Variants in ZNF385C observed in about 807,000 individuals in gnomAD.
The protein encoded by ZNF385C is zinc finger protein 385C.
In ZNF385C, 28 loss-of-function variants were observed where a neutral mutation model predicts 35.4. The ratio of observed to expected loss-of-function variants is 0.79; its 90% confidence interval spans 0.59 to 1.08. The LOEUF (loss-of-function observed/expected upper bound fraction) is 1.08, where lower values mean the gene tolerates loss of function less well. Ranked by LOEUF, ZNF385C falls within the 50% of genes least tolerant of loss-of-function variation. The pLI is 0.00. For synonymous variants in ZNF385C, 248 were observed against 248.2 expected, an observed-to-expected ratio of 1.00 and a Z score of 0.01; for missense variants, 605 against 595.6, an observed-to-expected ratio of 1.02 and a Z score of -0.16.
At chr17:42,051,735 T>C (rs1189104937) in intron 2 of ZNF385C, among the ~76,000 whole-genome samples, 2 of 152,126 alleles carry the variant, frequency 1.3e-5, no homozygotes, top group South Asian at 2.1e-4. Flanking sequence ...TTGGGTACGC[T>C]GCTCTTCTGC....
chr17:42,028,482 C>G, intron 6 of ZNF385C: 1 of 586,948 alleles, frequency 1.7e-6, no homozygotes. Context: ...GCTTTGATCT[C>G]AGTCCTTTCC....
At chr17:42,048,688 T>G (rs2053221334) in intron 2 of ZNF385C, among the ~76,000 whole-genome samples, 1 of 152,126 alleles carries the variant, frequency 6.6e-6, no homozygotes, top group Non-Finnish European at 1.5e-5. Context: ...ACCTGCTCCA[T>G]CCATAGGTCT....
intron 2 of ZNF385C, among the ~76,000 whole-genome samples, chr17:42,048,327 C>T (rs529745781): frequency 4.0e-5 from 6 of 151,214 alleles, no homozygotes; most frequent in Non-Finnish European, 5.9e-5. Flanking sequence ...CTGCTTGAGC[C>T]CATGAGTTTG....
intron 3 of ZNF385C, among the ~76,000 whole-genome samples, chr17:42,035,542 C>CT (rs67173303): frequency 0.018 from 1,936 of 105,578 alleles, 35 homozygotes; most frequent in Non-Finnish European, 0.024. Context: ...TGCTGACGAC[C>CT]TTTTTTTTTT....
intron 1 of ZNF385C, among the ~76,000 whole-genome samples, chr17:42,063,926 C>T (rs569613291): frequency 2.0e-5 from 3 of 152,280 alleles, no homozygotes; most frequent in East Asian, 1.9e-4. Flanking sequence ...CCCTGCTCCA[C>T]GTGGCTCCAG....
chr17:42,053,221 G>GC (rs754105431), intron 2 of ZNF385C, among the ~76,000 whole-genome samples: 18 of 152,238 alleles, frequency 1.2e-4, no homozygotes, highest in Non-Finnish European at 2.1e-4. Context: ...CCAGGCCCTT[G>GC]CCCCCAAGGA....
At chr17:42,075,557 C>G (rs562397801) in intron 1 of ZNF385C, among the ~76,000 whole-genome samples, 6 of 147,376 alleles carry the variant, frequency 4.1e-5, no homozygotes, top group African/African-American at 1.5e-4. Context: ...TGCAGTGGCG[C>G]GATCTCGGCT....
intron 2 of ZNF385C, among the ~76,000 whole-genome samples, chr17:42,051,215 G>A (rs1200728086): frequency 6.6e-6 from 1 of 151,868 alleles, no homozygotes; most frequent in Non-Finnish European, 1.5e-5. Context: ...CCCACCTGGT[G>A]GGAAGCCTCC....
At chr17:42,059,720 C>T (rs2053433664) in intron 2 of ZNF385C, among the ~76,000 whole-genome samples, 1 of 152,206 alleles carries the variant, frequency 6.6e-6, no homozygotes, top group Non-Finnish European at 1.5e-5. Context: ...CTCCTGTGTT[C>T]AAGCGATTCT....
chr17:42,031,923 T>A (rs182273654), intron 4 of ZNF385C, 139 bp from the exon 5 acceptor site: 2 of 927,932 alleles, frequency 2.2e-6, no homozygotes, highest in East Asian at 2.7e-5. Flanking sequence ...GTCCTTGTCA[T>A]CATCATCACC....
chr17:42,078,191 G>A (rs1234853484), intron 1 of ZNF385C, among the ~76,000 whole-genome samples: 2 of 152,150 alleles, frequency 1.3e-5, no homozygotes, highest in Non-Finnish European at 2.9e-5. Context: ...AGTTTCCCTG[G>A]CGGTGTATTG....
At chr17:42,077,066 G>A (rs1456558539) in intron 1 of ZNF385C, among the ~76,000 whole-genome samples, 2 of 152,150 alleles carry the variant, frequency 1.3e-5, no homozygotes, top group African/African-American at 4.8e-5. Flanking sequence ...CTCTTCCTCT[G>A]TTTTGTCTGT....
At position 42,050,422 on chromosome 17, in the gene ZNF385C, C is replaced by G. The variant is rs1390946976; in HGVS notation, c.250+12385G>C. On this transcript the variant is annotated intron_variant, in intron 2 of 8. Coordinates refer to ENST00000692273, the MANE Select transcript of ZNF385C (RefSeq NM_001392013.1). The surrounding 1 kb of genome is among the most constrained non-coding windows in gnomAD (Gnocchi z 5.6). The stretch of plus-strand genomic sequence containing the variant: ...GGGACGGGGAGGGCTGAGGAACTTC[C>G]TCTGGGGGGCGCGCGGTGACAGAGC... 6 of 152,128 alleles carry G rather than the reference C, an allele frequency of 3.9e-5. No individual in the cohort carries two copies. Among genetic ancestry groups the G allele is most frequent in the Non-Finnish European group, 8.8e-5 (6 of 68,020 alleles). 9.4% of individuals were successfully genotyped at this position (152,128 alleles called of 1,614,324 possible).
intron 2 of ZNF385C, among the ~76,000 whole-genome samples, chr17:42,051,131 A>C (rs939234116): frequency 6.6e-6 from 1 of 151,852 alleles, no homozygotes; most frequent in African/African-American, 2.4e-5. Context: ...CTGCAGGTTC[A>C]TGAAGAATTG....
chr17:42,027,124 C>T lies in ZNF385C; in HGVS notation c.1285G>A (p.Ala429Thr). The T allele has an allele frequency of 1.9e-6, 3 of 1,613,328 alleles. No individual in the cohort carries two copies. The highest frequency in any genetic ancestry group is 1.7e-6 in the Non-Finnish European group (2 of 1,179,782). The change falls in exon 9 of 9, where the codon GCC becomes ACC. Residue 429 changes from alanine (A) to threonine (T), a missense_variant. Transcript: ENST00000692273. ...LAVSILKSKL[A>T]LQKQLTKTLA... ...GTCTTGGTGAGTTGCTTCTGCAAGG[C>T]CAGTTTAGACTACACGGAAAAGAAA... is the stretch of plus-strand genomic sequence containing the variant.
intron 5 of ZNF385C, 27 bp downstream of exon 5, chr17:42,031,592 T>C: frequency 5.2e-6 from 8 of 1,525,068 alleles, no homozygotes; most frequent in Non-Finnish European, 7.1e-6. Context: ...AGTGGAGACG[T>C]GGGAAAGAGA....
intron 1 of ZNF385C, among the ~76,000 whole-genome samples, chr17:42,092,231 C>G (rs1299473422): frequency 6.6e-6 from 1 of 152,038 alleles, no homozygotes; most frequent in Non-Finnish European, 1.5e-5. Flanking sequence ...AAAACCCTGT[C>G]TCTACTAAAA....
chr17:42,037,999 T>C (rs2052905781), intron 2 of ZNF385C, 114 bp from the exon 3 acceptor site: 3 of 1,538,038 alleles, frequency 2.0e-6, no homozygotes, highest in Non-Finnish European at 2.6e-6. Flanking sequence ...TGTGTCTCTC[T>C]TCACAGAGTG....
rs574033350 is a variant in ZNF385C at position 42,028,236 on chromosome 17, G to T, written c.978C>A (p.His326Gln). 2.3e-5 allele frequency: 35 copies of T among 1,534,198 alleles called. No individual in the cohort carries two copies. The highest frequency in any genetic ancestry group is 4.3e-5 in the Admixed American group (2 of 46,444). The part of the protein sequence containing the change: ...QLQAHNTGAK[H>Q]RWMMEGQRGA... ...CTCGCTGACCTTCCATCATCCACCGGTGCTTGGCTCCTGGAGAGGGAAGAA... is the reference window on the plus strand; with the variant it reads ...CTCGCTGACCTTCCATCATCCACCGTTGCTTGGCTCCTGGAGAGGGAAGAA... The change falls in exon 7 of 9, where the codon CAC becomes CAA. Residue 326 changes from histidine (H) to glutamine (Q), a missense_variant. By Grantham distance (24) the His-to-Gln change is conservative. Coordinates refer to ENST00000692273, the MANE Select transcript of ZNF385C (RefSeq NM_001392013.1).
Sources: allele counts gnomAD v4.1 joint callset (sites outside exome capture counted in the v4.1 genomes callset), GRCh38; gene constraint gnomAD v4.1.1; non-coding constraint Gnocchi (gnomAD v3.1); transcripts MANE v1.5; gene names NCBI Gene and HGNC (gene_info 2026-07-23, HGNC 2026-07-21).